PPARGC1A: variants seen among roughly 807,000 people sequenced by gnomAD.
PPARGC1A encodes the protein PPARG coactivator 1 alpha, also known as peroxisome proliferator-activated receptor gamma coactivator 1-alpha.
PPARGC1A carries 25 observed loss-of-function variants against 88.7 expected under a neutral mutation model. The observed-to-expected ratio is 0.28, with a 90% CI of 0.21 to 0.39. PPARGC1A has a LOEUF of 0.39. PPARGC1A is among the 10% of genes least tolerant of loss of function. The pLI is 1.00. For synonymous variants in PPARGC1A, 363 were observed against 355.6 expected (o/e 1.02, Z -0.24); for missense variants, 880 against 968.7 (o/e 0.91, Z 1.22).
the PPARGC1A span, among the ~76,000 whole-genome samples, chr4:24,349,768 C>T: frequency 6.6e-6 from 1 of 152,212 alleles, no homozygotes; most frequent in African/African-American, 2.4e-5. Flanking sequence ...CTTCCCCGTC[C>T]TGTGAAGTCT....
chr4:24,381,426 A>G, the PPARGC1A span, among the ~76,000 whole-genome samples: 1 of 152,240 alleles, frequency 6.6e-6, no homozygotes, highest in Non-Finnish European at 1.5e-5. Flanking sequence ...TGTTTATTAA[A>G]AGGTAACTAG....
At chr4:24,112,489 C>A in the PPARGC1A span, among the ~76,000 whole-genome samples, 1 of 152,176 alleles carries the variant, frequency 6.6e-6, no homozygotes, top group Non-Finnish European at 1.5e-5. Context: ...TGGTTTCTGA[C>A]ATCAAGACTA....
upstream of PPARGC1A, among the ~76,000 whole-genome samples, chr4:23,908,333 T>C (rs1196154853): frequency 6.6e-6 from 1 of 152,224 alleles, no homozygotes; most frequent in Non-Finnish European, 1.5e-5. Context: ...GCTAGAGCAC[T>C]TATATGTACT....
chr4:24,084,830 T>C, the PPARGC1A span, among the ~76,000 whole-genome samples: 1 of 152,200 alleles, frequency 6.6e-6, no homozygotes, highest in Admixed American at 6.5e-5. Context: ...AAAAGGGTCT[T>C]CTTAGGAGAT....
the PPARGC1A span, among the ~76,000 whole-genome samples, chr4:24,152,433 A>G: frequency 2.0e-5 from 3 of 152,278 alleles, no homozygotes; most frequent in African/African-American, 7.2e-5. Flanking sequence ...TCCTTTTTAC[A>G]CAATTCAAAG....
chr4:24,051,580 C>G, the PPARGC1A span, among the ~76,000 whole-genome samples: 1 of 152,298 alleles, frequency 6.6e-6, no homozygotes, highest in African/African-American at 2.4e-5. Flanking sequence ...ACATAGCCCA[C>G]AAGTGGAAGT....
At chr4:23,910,343 A>ATATATATTATAT in the PPARGC1A span, among the ~76,000 whole-genome samples, 13 of 58,868 alleles carry the variant, frequency 2.2e-4, no homozygotes, top group African/African-American at 1.3e-3. Flanking sequence ...TATATATATT[A>ATATATATTATAT]TATATTATAT....
At chr4:23,960,757 T>C in the PPARGC1A span, among the ~76,000 whole-genome samples, 14 of 152,102 alleles carry the variant, frequency 9.2e-5, no homozygotes, top group Admixed American at 4.6e-4. Flanking sequence ...AGCCATCACA[T>C]TGTTAAATTG....
chr4:23,902,448 G>A (rs572116475), upstream of PPARGC1A, among the ~76,000 whole-genome samples: 19 of 152,328 alleles, frequency 1.2e-4, 2 homozygotes, highest in Admixed American at 1.2e-3. Flanking sequence ...GCATGGCCCT[G>A]TATTGAATGC....
the PPARGC1A span, among the ~76,000 whole-genome samples, chr4:23,971,504 A>C: frequency 0.36 from 55,299 of 152,120 alleles, 10,844 homozygotes; most frequent in Non-Finnish European, 0.46. Context: ...CTGCAGGCTG[A>C]GGAGCAAGGA....
At chr4:24,039,908 C>T in the PPARGC1A span, among the ~76,000 whole-genome samples, 1 of 152,142 alleles carries the variant, frequency 6.6e-6, no homozygotes, top group Non-Finnish European at 1.5e-5. Context: ...AGTGTCATTT[C>T]ACTGTATCAT....
chr4:24,099,615 C>A, the PPARGC1A span, among the ~76,000 whole-genome samples: 1 of 152,140 alleles, frequency 6.6e-6, no homozygotes, highest in African/African-American at 2.4e-5. Context: ...AAAGTTGGGA[C>A]TTTAGAAATG....
the PPARGC1A span, among the ~76,000 whole-genome samples, chr4:24,236,386 C>T: frequency 1.3e-5 from 2 of 152,140 alleles, no homozygotes; most frequent in Non-Finnish European, 1.5e-5. Flanking sequence ...CTCCCTTTAT[C>T]TTGAAGACAG....
chr4:24,244,226 A>G, the PPARGC1A span, among the ~76,000 whole-genome samples: 1 of 152,180 alleles, frequency 6.6e-6, no homozygotes, highest in African/African-American at 2.4e-5. Flanking sequence ...GAAAGAAAAG[A>G]AGGACAAAAG....
At chr4:24,466,882 C>A in the PPARGC1A span, among the ~76,000 whole-genome samples, 1 of 22,256 alleles carries the variant, frequency 4.5e-5, no homozygotes, top group Admixed American at 5.6e-4. Context: ...CCACTGCACA[C>A]CAGCAAAAAA....
At chr4:24,439,109 C>T in the PPARGC1A span, among the ~76,000 whole-genome samples, 8 of 152,210 alleles carry the variant, frequency 5.3e-5, no homozygotes, top group South Asian at 1.2e-3. Context: ...CCTGGGTAAA[C>T]GTTCTGCAGT....
At chr4:23,879,762 C>T (rs1459550248) in intron 2 of PPARGC1A, among the ~76,000 whole-genome samples, 1 of 152,176 alleles carries the variant, frequency 6.6e-6, no homozygotes, top group Non-Finnish European at 1.5e-5. Flanking sequence ...CTCTTAAATA[C>T]CACCTCCATT....
the PPARGC1A span, among the ~76,000 whole-genome samples, chr4:24,320,600 T>C: frequency 6.6e-6 from 1 of 151,644 alleles, no homozygotes; most frequent in East Asian, 1.9e-4. Context: ...GGGTAACGAA[T>C]GTCCTTTGAA....
upstream of PPARGC1A, among the ~76,000 whole-genome samples, chr4:23,899,799 C>A (rs10030083): frequency 0.17 from 26,505 of 151,954 alleles, 2,914 homozygotes; most frequent in East Asian, 0.37. Flanking sequence ...CACAGTCAAC[C>A]GGGAGGAAGG....
Sources: gnomAD v4.1 joint callset for allele counts (sites outside exome capture counted in the v4.1 genomes callset) on GRCh38, gnomAD v4.1.1 for gene constraint, MANE v1.5 for transcripts, NCBI Gene and HGNC (gene_info 2026-07-23, HGNC 2026-07-21) for gene names.